Variants in GRM8 observed in about 807,000 individuals in gnomAD.
GRM8 encodes the protein glutamate metabotropic receptor 8, also known as metabotropic glutamate receptor 8.
GRM8 carries 47 observed loss-of-function variants against 87.2 expected under a neutral mutation model. The observed-to-expected ratio is 0.54, with a 90% CI of 0.43 to 0.69. The LOEUF is 0.69. Among genes scored for constraint, GRM8 ranks in the 30% least tolerant of loss-of-function variants. The pLI, the probability that GRM8 is intolerant of heterozygous loss-of-function variation, is 0.00. For synonymous variants in GRM8, 396 were observed against 404.5 expected (o/e 0.98, Z 0.25); for missense variants, 1,019 against 1,139.2 (o/e 0.89, Z 1.52).
In GRM8 at chr7:126,903,675, G is replaced by GTA. The variant is rs1209280805; in HGVS notation, c.1018+295_1018+296dup. Among the ~76,000 whole-genome samples the GTA allele has an allele frequency of 6.2e-5, 8 of 128,900 alleles. 1 individual carries two copies. The highest frequency in any genetic ancestry group is 3.2e-4 in the Admixed American group (4 of 12,382). 84.6% of individuals were successfully genotyped at this position (128,900 alleles called of 152,430 possible). On this transcript the variant is annotated intron_variant, in intron 5 of 10. Coordinates refer to ENST00000339582, the MANE Select transcript of GRM8 (RefSeq NM_000845.3). ...TATGTGTATATATATATGTATATGTGTATATATATATGTATATGTGTATAT... is the reference window on the plus strand; with the variant it reads ...TATGTGTATATATATATGTATATGTGTATATATATATATGTATATGTGTATAT...
intron 3 of GRM8, among the ~76,000 whole-genome samples, chr7:126,947,726 G>A (rs769787673): frequency 3.3e-5 from 5 of 151,992 alleles, no homozygotes; most frequent in Non-Finnish European, 7.4e-5. Flanking sequence ...TTCCATTTTG[G>A]TCTCCATAGA....
intron 3 of GRM8, among the ~76,000 whole-genome samples, chr7:126,966,079 G>T (rs1421353453): frequency 6.6e-6 from 1 of 152,080 alleles, no homozygotes; most frequent in African/African-American, 2.4e-5. Context: ...ATCTCCATAA[G>T]AATATAAGAA....
intron 6 of GRM8, among the ~76,000 whole-genome samples, chr7:126,863,669 T>C (rs1018756296): frequency 1.3e-5 from 2 of 152,194 alleles, no homozygotes; most frequent in Non-Finnish European, 2.9e-5. Context: ...GCATCTGTCA[T>C]ATCAGCTTCA....
intron 7 of GRM8, among the ~76,000 whole-genome samples, chr7:126,631,667 T>C (rs1206665958): frequency 6.6e-6 from 1 of 152,108 alleles, no homozygotes; most frequent in African/African-American, 2.4e-5. Context: ...GATAGCACGG[T>C]ACTGGTACAA....
At chr7:126,766,398 C>CA (rs935430094) in intron 7 of GRM8, among the ~76,000 whole-genome samples, 1 of 152,004 alleles carries the variant, frequency 6.6e-6, no homozygotes, top group African/African-American at 2.4e-5. Context: ...CTAATTATGT[C>CA]AAAAAGAACT....
chr7:126,571,486 TG>T (rs1414355797), intron 8 of GRM8, among the ~76,000 whole-genome samples: 2 of 152,166 alleles, frequency 1.3e-5, no homozygotes, highest in African/African-American at 4.8e-5. Flanking sequence ...CATTTACCCC[TG>T]GGCAAGAAAC....
rs143107858 is a variant in GRM8 at position 126,573,043 on chromosome 7, G to C, written c.1494+36319C>G. Among the ~76,000 whole-genome samples the C allele has an allele frequency of 3.4e-4, 52 of 152,250 alleles. 1 individual carries two copies. Among genetic ancestry groups the C allele is most frequent in the African/African-American group, 1.1e-3 (47 of 41,554 alleles). On this transcript the variant is annotated intron_variant, in intron 8 of 10. Transcript: ENST00000339582. ...AAATGCATTAGAACGTTAAGCGATA[G>C]ACTGAATATAAGAGAAGACAATTCA...
chr7:127,085,643 G>T (rs946634522), intron 3 of GRM8, among the ~76,000 whole-genome samples: 10 of 152,076 alleles, frequency 6.6e-5, no homozygotes, highest in African/African-American at 2.4e-4. Context: ...CTTTACCCAC[G>T]TTTTGATGGG....
At chr7:126,957,345 A>G (rs1808810727) in intron 3 of GRM8, among the ~76,000 whole-genome samples, 1 of 152,172 alleles carries the variant, frequency 6.6e-6, no homozygotes, top group African/African-American at 2.4e-5. Flanking sequence ...TGTGGCAGGG[A>G]CACCAGCTGA....
In GRM8 at chr7:127,072,062, A is replaced by C. The variant is rs17867044; in HGVS notation, c.727+34434T>G. ...TGTCTTCAGTGCCGCTCTTCTTCCC[A>C]CCGAGACATGGTGAGGTTTATGCTG... On this transcript the variant is annotated intron_variant, in intron 3 of 10. Transcript: ENST00000339582. Among the ~76,000 whole-genome samples, 650 of 151,922 alleles carry C rather than the reference A, an allele frequency of 4.3e-3. 4 individuals are homozygous for C. The highest frequency in any genetic ancestry group is 0.014 in the African/African-American group (597 of 41,414).
intron 7 of GRM8, among the ~76,000 whole-genome samples, chr7:126,624,639 G>A (rs547442798): frequency 9.2e-5 from 14 of 152,166 alleles, no homozygotes; most frequent in Admixed American, 2.0e-4. Flanking sequence ...TATTGGATGA[G>A]GATCCAAATA....
At chr7:127,251,968 A>G (rs1200933890) in intron 1 of GRM8, among the ~76,000 whole-genome samples, 1 of 152,072 alleles carries the variant, frequency 6.6e-6, no homozygotes, top group Non-Finnish European at 1.5e-5. Context: ...GTGGGTGTCG[A>G]GGACCCCGAA....
At chr7:126,861,694 C>G (rs1041924331) in intron 6 of GRM8, among the ~76,000 whole-genome samples, 1 of 151,628 alleles carries the variant, frequency 6.6e-6, no homozygotes, top group Non-Finnish European at 1.5e-5. Flanking sequence ...TTTTCTTATG[C>G]CTTGTTATAA....
intron 3 of GRM8, among the ~76,000 whole-genome samples, chr7:127,015,255 A>AGAG (rs1815534908): frequency 8.0e-6 from 1 of 125,134 alleles, no homozygotes; most frequent in Non-Finnish European, 1.7e-5. Flanking sequence ...AAGAAGAAGA[A>AGAG]GAAGAAAAGA....
chr7:126,558,630 C>T (rs185080336), intron 8 of GRM8, among the ~76,000 whole-genome samples: 41 of 152,142 alleles, frequency 2.7e-4, no homozygotes, highest in South Asian at 2.1e-3. Context: ...GTAAATTCTA[C>T]GAAGATAGTT....
chr7:127,113,821 C>T (rs949257144), intron 2 of GRM8, among the ~76,000 whole-genome samples: 1 of 152,106 alleles, frequency 6.6e-6, no homozygotes, highest in African/African-American at 2.4e-5. Flanking sequence ...TACTTGACTG[C>T]TCTCTAGTAT....
chr7:126,940,503 C>T (rs1040953541), intron 3 of GRM8, among the ~76,000 whole-genome samples: 4 of 152,166 alleles, frequency 2.6e-5, no homozygotes, highest in Non-Finnish European at 5.9e-5. Context: ...ACCCTCTTCA[C>T]TGAGGCCTCA....
intron 3 of GRM8, among the ~76,000 whole-genome samples, chr7:127,071,746 GT>G (rs1821713936): frequency 6.6e-6 from 1 of 152,060 alleles, no homozygotes; most frequent in African/African-American, 2.4e-5. Flanking sequence ...TAAAAATATG[GT>G]GACATGGTTG....
intron 2 of GRM8, among the ~76,000 whole-genome samples, chr7:127,165,786 C>T (rs1793418198): frequency 6.6e-6 from 1 of 152,160 alleles, no homozygotes; most frequent in African/African-American, 2.4e-5. Flanking sequence ...AATTATTCCA[C>T]CTCTTTACTC....
Sources: gnomAD v4.1 joint callset for allele counts (sites outside exome capture counted in the v4.1 genomes callset) on GRCh38, gnomAD v4.1.1 for gene constraint, MANE v1.5 for transcripts, NCBI Gene and HGNC (gene_info 2026-07-23, HGNC 2026-07-21) for gene names.